TXNL4A: variants seen among roughly 807,000 people sequenced by gnomAD.
TXNL4A encodes the protein thioredoxin-like protein 4A.
A neutral mutation model predicts 14.6 loss-of-function variants in TXNL4A; 17 were observed. That is an observed-to-expected ratio of 1.16 (90% CI 0.80 to 1.74). The LOEUF (loss-of-function observed/expected upper bound fraction) is 1.74. Ranked by LOEUF, TXNL4A falls within the 40% of genes most tolerant of loss-of-function variation. The pLI is 0.00. For missense variants in TXNL4A, 74 were observed against 195.2 expected (o/e 0.38, Z 3.70); for synonymous variants, 83 against 70.6 (o/e 1.18, Z -0.88).
At chr18:79,995,031 GT>G (rs2051651822) in intron 1 of TXNL4A, 1 of 152,170 alleles carries the variant, frequency 6.6e-6, no homozygotes, top group South Asian at 2.1e-4. Context: ...TGATCAACCC[GT>G]TTCGGGAACA....
At chr18:80,019,173 A>G (rs1284188549) in intron 1 of TXNL4A, among the ~76,000 whole-genome samples, 1 of 152,180 alleles carries the variant, frequency 6.6e-6, no homozygotes, top group Non-Finnish European at 1.5e-5. Context: ...ACTGGTACCA[A>G]TGTACTGCAT....
rs957997201 is a variant in TXNL4A, at chr18:79,993,787, G to C, written c.-60-16086C>G. Among the ~76,000 whole-genome samples, 1 of 152,190 alleles carries C rather than the reference G, an allele frequency of 6.6e-6. No individual in the cohort carries two copies. Among genetic ancestry groups the C allele is most frequent in the Non-Finnish European group, 1.5e-5 (1 of 68,032 alleles). On this transcript the variant is annotated intron_variant, in intron 1 of 2. Transcript: ENST00000585474. The surrounding 1 kb of genome is among the most constrained non-coding windows in gnomAD (Gnocchi z 4.4). ...TCGCGTGAGGGTGTCTGGGAGGAAA[G>C]CACCTTAAGACGTGCAACAGCTCTG...
intron 1 of TXNL4A, among the ~76,000 whole-genome samples, chr18:80,003,990 T>A (rs1475897938): frequency 6.6e-6 from 1 of 152,074 alleles, no homozygotes; most frequent in African/African-American, 2.4e-5. Context: ...GGATTACAAT[T>A]CAAGATGAGA....
intron 1 of TXNL4A, among the ~76,000 whole-genome samples, chr18:80,031,059 G>C (rs1039540383): frequency 3.9e-5 from 6 of 152,226 alleles, no homozygotes; most frequent in African/African-American, 1.4e-4. Context: ...TCTCACTTCA[G>C]CATTTCCCCC....
chr18:79,988,465 C>G lies in TXNL4A; in HGVS notation c.-73G>C. On this transcript the variant is annotated 5_prime_UTR_variant, in exon 1 of 3. Coordinates refer to ENST00000269601, the MANE Select transcript of TXNL4A (RefSeq NM_006701.5). ...CCCAGCGAGGTGGGCTCAGCCGGCCCCTCACTCCCCGGCCCCCGCCGCCCC... is the reference window on the plus strand; with the variant it reads ...CCCAGCGAGGTGGGCTCAGCCGGCCGCTCACTCCCCGGCCCCCGCCGCCCC... 1 of 1,265,600 alleles carries G rather than the reference C, an allele frequency of 7.9e-7. No individual in the cohort carries two copies. The highest frequency in any genetic ancestry group is 1.0e-6 in the Non-Finnish European group (1 of 1,000,966). 78.4% of individuals were successfully genotyped at this position (1,265,600 alleles called of 1,614,324 possible).
intron 1 of TXNL4A, among the ~76,000 whole-genome samples, chr18:80,017,810 T>C (rs2051822273): frequency 6.6e-6 from 1 of 152,152 alleles, no homozygotes; most frequent in African/African-American, 2.4e-5. Flanking sequence ...TCACGGATAT[T>C]GGTCTAAAAT....
chr18:80,013,322 C>T (rs2051784704), intron 1 of TXNL4A, among the ~76,000 whole-genome samples: 2 of 151,618 alleles, frequency 1.3e-5, no homozygotes, highest in South Asian at 4.2e-4. Flanking sequence ...CGGGGTTTCA[C>T]CATGTTAACC....
rs1340735038 is a variant in TXNL4A at position 79,972,639 on chromosome 18, A to AT, written c.*1045dup. ...GCCACCATGCCCAGCTAATTTTTGTATTTTTAGTAGAGACGGGATTTCACC... is the reference window on the plus strand; with the variant it reads ...GCCACCATGCCCAGCTAATTTTTGTATTTTTTAGTAGAGACGGGATTTCACC... On this transcript the variant is annotated 3_prime_UTR_variant, in exon 3 of 3. Transcript: ENST00000269601. The AT allele has an allele frequency of 6.6e-6, 1 of 151,972 alleles. No individual in the cohort carries two copies. The highest frequency in any genetic ancestry group is 1.5e-5 in the Non-Finnish European group (1 of 68,022). The allele number at this position is 151,972 out of a possible 1,614,324, so 9.4% of individuals were successfully genotyped here. A position where few individuals can be genotyped will look rare whatever the true frequency, so the allele number is the denominator to read the frequency against.
chr18:79,993,409 A>G (rs1233252747), upstream of TXNL4A, among the ~76,000 whole-genome samples: 3 of 152,092 alleles, frequency 2.0e-5, no homozygotes, highest in Non-Finnish European at 4.4e-5. This position sits in a 1 kb window ranked among gnomAD's most constrained non-coding sequence, Gnocchi z 4.4. Flanking sequence ...TGTGGAGAGC[A>G]CTTTTCAGCT....
At chr18:80,032,209 CG>C (rs1194265926) in intron 1 of TXNL4A, among the ~76,000 whole-genome samples, 3 of 151,934 alleles carry the variant, frequency 2.0e-5, no homozygotes, top group Non-Finnish European at 4.4e-5. Flanking sequence ...TTCCTCGTGA[CG>C]GAGGACTTGA....
At chr18:79,979,557 C>T (rs1271975449) in intron 1 of TXNL4A, 1 of 152,914 alleles carries the variant, frequency 6.5e-6, no homozygotes, top group Non-Finnish European at 1.5e-5. Flanking sequence ...GCCTGTTCCC[C>T]TTTGCCTTCT....
Position 80,018,832 on chromosome 18 carries a change from T to C in TXNL4A, c.-61+15019A>G, listed in dbSNP as rs147852526. 6.5e-3 allele frequency among the ~76,000 whole-genome samples: 997 copies of C among 152,332 alleles called. 17 individuals are homozygous for C. The highest frequency in any genetic ancestry group is 0.022 in the African/African-American group (923 of 41,572). ...AATTTCTTCTGCCAGATACCCTAAA[T>C]CATCTCTCTCGAGTTAAAAGTTCCA... On this transcript the variant is annotated intron_variant, in intron 1 of 2. Coordinates refer to the TXNL4A transcript ENST00000585474.
chr18:80,005,865 A>G (rs746147836), intron 1 of TXNL4A, among the ~76,000 whole-genome samples: 3 of 152,070 alleles, frequency 2.0e-5, no homozygotes, highest in Non-Finnish European at 4.4e-5. Context: ...GTTAGCTGAG[A>G]TCGCACCACT....
At chr18:79,992,122 T>C (rs1470926856), upstream of TXNL4A, among the ~76,000 whole-genome samples, 1 of 152,218 alleles carries the variant, frequency 6.6e-6, no homozygotes, top group Admixed American at 6.5e-5. Flanking sequence ...GCTGTGCATC[T>C]GTCTCAGTGA....
intron 1 of TXNL4A, among the ~76,000 whole-genome samples, chr18:79,995,690 TTGCCCAA>T (rs1428786271): frequency 6.6e-6 from 1 of 152,180 alleles, no homozygotes; most frequent in Non-Finnish European, 1.5e-5. Context: ...AAACAGAAGA[TTGCCCAA>T]GTTATGCGTT....
intron 1 of TXNL4A, among the ~76,000 whole-genome samples, chr18:80,017,501 G>A (rs1208983937): frequency 1.3e-5 from 2 of 152,014 alleles, no homozygotes; most frequent in African/African-American, 4.8e-5. Context: ...CTGTGGGTTT[G>A]TCATAGATAG....
intron 1 of TXNL4A, chr18:80,033,795 C>G (rs1329177837): frequency 2.0e-5 from 3 of 152,396 alleles, no homozygotes; most frequent in African/African-American, 7.3e-5. Context: ...GGCCCCGCCT[C>G]GCGTCGTCCT....
intron 1 of TXNL4A, among the ~76,000 whole-genome samples, chr18:80,027,058 C>T (rs1004635360): frequency 6.6e-6 from 1 of 152,018 alleles, no homozygotes; most frequent in Admixed American, 6.6e-5. Flanking sequence ...CTGTTTACAC[C>T]AGAAGCAGAA....
chr18:79,978,289 C>G (rs142793305), intron 1 of TXNL4A, among the ~76,000 whole-genome samples: 361 of 152,258 alleles, frequency 2.4e-3, no homozygotes, highest in African/African-American at 8.4e-3. Context: ...CACAACTGCT[C>G]TAAAATATAC....
Sources: allele counts gnomAD v4.1 joint callset (sites outside exome capture counted in the v4.1 genomes callset), GRCh38; gene constraint gnomAD v4.1.1; non-coding constraint Gnocchi (gnomAD v3.1); transcripts MANE v1.5; gene names NCBI Gene and HGNC (gene_info 2026-07-23, HGNC 2026-07-21).